SARM1: variants seen among roughly 807,000 people sequenced by gnomAD.
SARM1 encodes sterile alpha and TIR motif containing 1, also known as NAD(+) hydrolase SARM1.
Under a neutral mutation model 65.1 loss-of-function variants are expected in SARM1, and 60 were observed. That is an observed-to-expected ratio of 0.92 (90% CI 0.75 to 1.14). The LOEUF (loss-of-function observed/expected upper bound fraction) is 1.14, where lower values mean the gene tolerates loss of function less well. Ranked by LOEUF, SARM1 falls within the 50% of genes most tolerant of loss-of-function variation. The pLI is 0.00. For synonymous variants in SARM1, 417 were observed against 465.4 expected (o/e 0.90, Z 1.34); for missense variants, 913 against 1,015.7 (o/e 0.90, Z 1.37).
At position 28,384,773 on chromosome 17, in the gene SARM1, C is replaced by A. The variant is rs1361620878; in HGVS notation, c.1303-66C>A. On this transcript the variant is annotated intron_variant, in intron 3 of 8. Coordinates refer to ENST00000585482, the MANE Select transcript of SARM1 (RefSeq NM_015077.4). The surrounding 1 kb of genome is among the most constrained non-coding windows in gnomAD (Gnocchi z 4.4). ...ACGCCATCTCCAGTTCCTTCCCTTG[C>A]ATCTTGTGCTCGAGGTCCAAGGGCG... 6 of 1,420,808 alleles carry A rather than the reference C, an allele frequency of 4.2e-6. No homozygotes were observed. The African/African-American group carries it at 4.2e-5, about 10-fold the overall frequency. The allele number at this position is 1,420,808 out of a possible 1,614,324, so 88.0% of individuals were successfully genotyped here. A position where few individuals can be genotyped will look rare whatever the true frequency, so the allele number is the denominator to read the frequency against.
chr17:28,380,442 A>G (rs1292392738), intron 1 of SARM1, among the ~76,000 whole-genome samples: 2 of 152,182 alleles, frequency 1.3e-5, no homozygotes, highest in African/African-American at 4.8e-5. Flanking sequence ...CCATTACATC[A>G]TCCTGTTTTG....
Position 28,398,828 on chromosome 17 carries a change from A to G in SARM1, c.*2542A>G, listed in dbSNP as rs1597829069. The stretch of plus-strand genomic sequence containing the variant: ...TCACCACGATTCAACAATTTGGGGC[A>G]TTGCTGATCTAGCCGTTCCTAGTGG... On this transcript the variant is annotated 3_prime_UTR_variant, in exon 9 of 9. Coordinates refer to ENST00000585482, the MANE Select transcript of SARM1 (RefSeq NM_015077.4). 6.6e-6 allele frequency: 1 copy of G among 152,356 alleles called. No individual in the cohort carries two copies. The highest frequency in any genetic ancestry group is 2.4e-5 in the African/African-American group (1 of 41,580). 9.4% of individuals were successfully genotyped at this position (152,356 alleles called of 1,614,324 possible).
At chr17:28,395,758 G>T (rs2068113284) in intron 7 of SARM1, 147 bp from the exon 8 acceptor site, 6 of 771,848 alleles carry the variant, frequency 7.8e-6, no homozygotes, top group Non-Finnish European at 1.3e-5. Context: ...ACACTACAAG[G>T]GTTAAGGTAG....
At chr17:28,396,064 C>T (rs373384753) in intron 8 of SARM1, 38 bp downstream of exon 8, 11 of 1,613,460 alleles carry the variant, frequency 6.8e-6, no homozygotes, top group African/African-American at 2.7e-5. Context: ...GGGTAGGGTA[C>T]AAATCACCAT....
Position 28,400,879 on chromosome 17 carries a change from T to A in SARM1, c.*4593T>A. On this transcript the variant is annotated 3_prime_UTR_variant, in exon 9 of 9. Coordinates refer to ENST00000585482, the MANE Select transcript of SARM1 (RefSeq NM_015077.4). ...GTAGTCACTTAACCTATGTCTCCCCTTCCTCACCAGTAAATCCTGCTACAT... is the reference window on the plus strand; with the variant it reads ...GTAGTCACTTAACCTATGTCTCCCCATCCTCACCAGTAAATCCTGCTACAT... The A allele has an allele frequency of 2.2e-6, 2 of 907,916 alleles. No homozygotes were observed. Among genetic ancestry groups the A allele is most frequent in the Non-Finnish European group, 3.5e-6 (2 of 570,290 alleles). 56.2% of individuals were successfully genotyped at this position (907,916 alleles called of 1,614,324 possible). A position where few individuals can be genotyped will look rare whatever the true frequency, so the allele number is the denominator to read the frequency against.
chr17:28,380,057 C>CTTTTTTTTTTTTT (rs61029083), intron 1 of SARM1, among the ~76,000 whole-genome samples: 4 of 106,078 alleles, frequency 3.8e-5, no homozygotes, highest in African/African-American at 7.5e-5. Flanking sequence ...TTTTTCTTTT[C>CTTTTTTTTTTTTT]TTTTTTTTTT....
intron 1 of SARM1, chr17:28,373,678 G>A (rs897014464): frequency 1.3e-5 from 2 of 152,200 alleles, no homozygotes; most frequent in Non-Finnish European, 2.9e-5. Flanking sequence ...CTCACTGGGT[G>A]TGGTGGGGTC....
chr17:28,394,113 A>C (rs1156794667), intron 7 of SARM1, among the ~76,000 whole-genome samples: 1 of 152,194 alleles, frequency 6.6e-6, no homozygotes, highest in African/African-American at 2.4e-5. Flanking sequence ...CACATGAAGG[A>C]GTTTGGACTT....
Position 28,398,714 on chromosome 17 carries a change from A to T in SARM1, c.*2428A>T, listed in dbSNP as rs2068160212. ...ATTCATCCTTTCCCCAGGCCCATGA[A>T]GAGAGGCATCTCATTGTAGAATGTA... On this transcript the variant is annotated 3_prime_UTR_variant, in exon 9 of 9. Transcript: ENST00000585482. 1.3e-5 allele frequency: 2 copies of T among 152,332 alleles called. No homozygotes were observed. Among genetic ancestry groups the T allele is most frequent in the Admixed American group, 1.3e-4 (2 of 15,282 alleles). 9.4% of individuals were successfully genotyped at this position (152,332 alleles called of 1,614,324 possible). A position where few individuals can be genotyped will look rare whatever the true frequency, so the allele number is the denominator to read the frequency against.
chr17:28,399,401 C>T lies in SARM1; in HGVS notation c.*3115C>T. The T allele has an allele frequency of 5.8e-6, 3 of 521,624 alleles. No homozygotes were observed. Among genetic ancestry groups the T allele is most frequent in the South Asian group, 2.4e-5 (1 of 41,432 alleles). 32.3% of individuals were successfully genotyped at this position (521,624 alleles called of 1,614,324 possible). A position where few individuals can be genotyped will look rare whatever the true frequency, so the allele number is the denominator to read the frequency against. On this transcript the variant is annotated 3_prime_UTR_variant, in exon 9 of 9. Coordinates refer to ENST00000585482, the MANE Select transcript of SARM1 (RefSeq NM_015077.4). Reference sequence around the variant, plus strand: ...GGATAGCAGAAAGGGAGAACTGACTCCTGTCCCAAATAGCTCCTCTGCCAC... The same window carrying T: ...GGATAGCAGAAAGGGAGAACTGACTTCTGTCCCAAATAGCTCCTCTGCCAC...
In SARM1 at chr17:28,372,580, G is replaced by A. The variant is rs2067964592; in HGVS notation, c.470+78G>A. The A allele has an allele frequency of 1.7e-6, 2 of 1,195,282 alleles. No individual in the cohort carries two copies. Among genetic ancestry groups the A allele is most frequent in the Non-Finnish European group, 2.3e-6 (2 of 880,754 alleles). The allele number at this position is 1,195,282 out of a possible 1,614,324, so 74.0% of individuals were successfully genotyped here. On this transcript the variant is annotated intron_variant, in intron 1 of 8. Coordinates refer to ENST00000585482, the MANE Select transcript of SARM1 (RefSeq NM_015077.4). The surrounding 1 kb of genome is among the most constrained non-coding windows in gnomAD (Gnocchi z 5.2). ...GCGCCTGCGTTCCCGTGTGCCTTGCGCCGTGCCTTTGCCTCCCTCACCTCT... is the reference window on the plus strand; with the variant it reads ...GCGCCTGCGTTCCCGTGTGCCTTGCACCGTGCCTTTGCCTCCCTCACCTCT...
chr17:28,390,042 A>ACGT (rs782248777), intron 7 of SARM1, among the ~76,000 whole-genome samples: 2 of 152,170 alleles, frequency 1.3e-5, no homozygotes, highest in Non-Finnish European at 2.9e-5. Flanking sequence ...CCCTGAGAAC[A>ACGT]CGTGCCCAAG....
chr17:28,385,282 C>A lies in SARM1; in HGVS notation c.1630+7C>A. ...ATCCTCACGGCGGCCAGAGGTCAGC[C>A]CGCTCACCCGGGACCCCGCCCCAGC... On this transcript the variant is annotated splice_region_variant and intron_variant, in intron 5 of 8. Transcript: ENST00000585482. The surrounding 1 kb of genome is among the most constrained non-coding windows in gnomAD (Gnocchi z 4.5). 6.6e-7 allele frequency: 1 copy of A among 1,521,646 alleles called. No homozygotes were observed. The highest frequency in any genetic ancestry group is 8.8e-7 in the Non-Finnish European group (1 of 1,138,434). 94.3% of individuals were successfully genotyped at this position (1,521,646 alleles called of 1,614,324 possible).
rs2068133939 is a variant in SARM1 at position 28,397,016 on chromosome 17, C to A, written c.*730C>A. The A allele has an allele frequency of 2.0e-5, 3 of 152,614 alleles. No homozygotes were observed. In the South Asian group the frequency reaches 6.2e-4, roughly 32 times the overall value. The allele number at this position is 152,614 out of a possible 1,614,324, so 9.5% of individuals were successfully genotyped here. On this transcript the variant is annotated 3_prime_UTR_variant, in exon 9 of 9. Transcript: ENST00000585482. Reference sequence around the variant, plus strand: ...CCTCCTGTTTGGGCCTGGGTCTGGGCATGGGGAGGCCGTGCCTCAAAGCCC... The same window carrying A: ...CCTCCTGTTTGGGCCTGGGTCTGGGAATGGGGAGGCCGTGCCTCAAAGCCC...
intron 1 of SARM1, among the ~76,000 whole-genome samples, chr17:28,380,745 T>G (rs1555585097): frequency 6.6e-6 from 1 of 152,274 alleles, no homozygotes; most frequent in Non-Finnish European, 1.5e-5. Flanking sequence ...GTGCCAGGCA[T>G]TGTGCCAAGC....
chr17:28,381,724 T>C lies in SARM1; in HGVS notation c.992T>C (p.Val331Ala). ...GGGCCCGACGACCTGCAGCGCCTCGTGCCGTTGCTCGACTCTAACCGCTTG... is the reference window on the plus strand; with the variant it reads ...GGGCCCGACGACCTGCAGCGCCTCGCGCCGTTGCTCGACTCTAACCGCTTG... ...GRGPDDLQRL[V>A]PLLDSNRLEA... is the part of the protein sequence containing the mutation. The change falls in exon 2 of 9, where the codon GTG becomes GCG. Residue 331 changes from valine to alanine, a missense_variant. Physicochemically the swap from Val to Ala is moderately conservative, Grantham distance 64 (BLOSUM62 0). Transcript: ENST00000585482. 1 of 1,553,146 alleles carries C rather than the reference T, an allele frequency of 6.4e-7. No individual in the cohort carries two copies. The highest frequency in any genetic ancestry group is 8.7e-7 in the Non-Finnish European group (1 of 1,149,742).
rs541069777 is a variant in SARM1 at position 28,400,718 on chromosome 17, G to A, written c.*4432G>A. On this transcript the variant is annotated 3_prime_UTR_variant, in exon 9 of 9. Coordinates refer to ENST00000585482, the MANE Select transcript of SARM1 (RefSeq NM_015077.4). ...GAGTGAGTTGAAGATGCCGGAGGCC[G>A]TCAGCATGGCCAGGCTATTCACACA... The A allele has an allele frequency of 1.8e-5, 29 of 1,603,440 alleles. No homozygotes were observed. Among genetic ancestry groups the A allele is most frequent in the Middle Eastern group, 1.7e-4 (1 of 5,852 alleles).
Position 28,396,250 on chromosome 17 carries a change from CA to C in SARM1, c.2140del (p.Ser714ValfsTer30). 2 of 1,614,004 alleles carry C rather than the reference CA, an allele frequency of 1.2e-6. No individual in the cohort carries two copies. Among genetic ancestry groups the C allele is most frequent in the Non-Finnish European group, 1.7e-6 (2 of 1,179,880 alleles). The stretch of plus-strand genomic sequence containing the variant: ...GGGACTCATCTGCAGGCTCTGACAC[CA>C]GTTTGGAGGGTGCTGCACCCATGGG... ...SRDSSAGSDTSLEGAAPMGPT is the reference protein window; with the variant it reads ...SRDSSAGSDTXLEGAAPMGPT On this transcript the variant is annotated frameshift_variant, in exon 9 of 9. Coordinates refer to ENST00000585482, the MANE Select transcript of SARM1 (RefSeq NM_015077.4). LOFTEE classifies it high-confidence loss of function.
rs781817572 is a variant in SARM1 at position 28,388,249 on chromosome 17, G to A, written c.1706G>A (p.Arg569His). 7.7e-6 allele frequency: 12 copies of A among 1,553,012 alleles called. No homozygotes were observed. Among genetic ancestry groups the A allele is most frequent in the East Asian group, 2.4e-5 (1 of 41,092 alleles). ...ACTCCAGATGTCTTCATCAGCTACC[G>A]CCGGAACTCAGGTTCCCAGCTGGCC... ...GDTPDVFISYRRNSGSQLASL... is the reference protein window; with the variant it reads ...GDTPDVFISYHRNSGSQLASL... Residue 569 changes from arginine to histidine, a missense_variant, in exon 6 of 9, where the codon CGC becomes CAC. Coordinates refer to ENST00000585482, the MANE Select transcript of SARM1 (RefSeq NM_015077.4).
Sources: gnomAD v4.1 joint callset for allele counts (sites outside exome capture counted in the v4.1 genomes callset) on GRCh38, gnomAD v4.1.1 for gene constraint, Gnocchi (gnomAD v3.1) non-coding constraint, MANE v1.5 for transcripts, NCBI Gene and HGNC (gene_info 2026-07-23, HGNC 2026-07-21) for gene names.